RPTOR: variants seen among roughly 807,000 people sequenced by gnomAD.
RPTOR encodes regulatory-associated protein of mTOR.
In RPTOR, 21 loss-of-function variants were observed where a neutral mutation model predicts 169.9. The ratio of observed to expected loss-of-function variants is 0.12; its 90% CI spans 0.09 to 0.18. The LOEUF is 0.18. Ranked by LOEUF, RPTOR falls within the 10% of genes least tolerant of loss-of-function variation. The pLI, the probability that RPTOR is intolerant of heterozygous loss-of-function variation, is 1.00. For synonymous variants in RPTOR, 732 were observed against 753.2 expected (o/e 0.97, Z 0.46); for missense variants, 1,133 against 1,855.9 (o/e 0.61, Z 7.16).
intron 5 of RPTOR, among the ~76,000 whole-genome samples, chr17:80,749,157 A>G (rs1336185551): frequency 1.6e-4 from 1 of 6,424 alleles, no homozygotes; most frequent in African/African-American, 8.5e-4. Flanking sequence ...GGGTGGATGG[A>G]GGGGCTGCGG....
rs2066658719 is a variant in RPTOR at position 80,754,297 on chromosome 17, A to G, written c.830+112A>G. The G allele has an allele frequency of 5.7e-6, 6 of 1,059,668 alleles. No homozygotes were observed. The highest frequency in any genetic ancestry group is 8.1e-6 in the Non-Finnish European group (6 of 736,694). The allele number at this position is 1,059,668 out of a possible 1,614,324, so 65.6% of individuals were successfully genotyped here. A position where few individuals can be genotyped will look rare whatever the true frequency, so the allele number is the denominator to read the frequency against. On this transcript the variant is annotated intron_variant, in intron 6 of 33. Coordinates refer to ENST00000306801, the MANE Select transcript of RPTOR (RefSeq NM_020761.3). The surrounding 1 kb of genome is among the most constrained non-coding windows in gnomAD (Gnocchi z 4.2). ...CTGGTCCCAGGAGCCCACGTGACAGACATGAGTGTCCCCGCCTTCTTTTTG... is the reference window on the plus strand; with the variant it reads ...CTGGTCCCAGGAGCCCACGTGACAGGCATGAGTGTCCCCGCCTTCTTTTTG...
At chr17:80,770,613 T>A (rs1245019449) in intron 6 of RPTOR, among the ~76,000 whole-genome samples, 2 of 152,132 alleles carry the variant, frequency 1.3e-5, no homozygotes, top group Non-Finnish European at 2.9e-5. Flanking sequence ...AACGATATCA[T>A]CAGTTGTGAA....
chr17:80,906,374 C>A (rs891174092), intron 20 of RPTOR, among the ~76,000 whole-genome samples: 1 of 152,204 alleles, frequency 6.6e-6, no homozygotes, highest in East Asian at 1.9e-4. Flanking sequence ...ACACGGCTAT[C>A]GCAGAGCTGT....
chr17:80,907,637 GC>G (rs1043652955), intron 20 of RPTOR, among the ~76,000 whole-genome samples: 3 of 151,920 alleles, frequency 2.0e-5, no homozygotes, highest in African/African-American at 4.8e-5. Flanking sequence ...GCCCGTGCCT[GC>G]CCCCCCTTCT....
chr17:80,557,423 A>C lies in RPTOR; in HGVS notation c.162+11632A>C, dbSNP rs538992762. Reference sequence around the variant, plus strand: ...TCCCAGCTACTTGGGAGGCTGAGGTATGAGAATCGCTTGAACCCGGGAGGT... The same window carrying C: ...TCCCAGCTACTTGGGAGGCTGAGGTCTGAGAATCGCTTGAACCCGGGAGGT... On this transcript the variant is annotated intron_variant, in intron 1 of 33. Transcript: ENST00000306801. Among the ~76,000 whole-genome samples, 18 of 151,610 alleles carry C rather than the reference A, an allele frequency of 1.2e-4. 1 individual carries two copies. In the South Asian group the frequency reaches 3.4e-3, roughly 28 times the overall value.
Position 80,629,859 on chromosome 17 carries a change from C to T in RPTOR, c.265+4066C>T, listed in dbSNP as rs189966286. On this transcript the variant is annotated intron_variant, in intron 2 of 33. Transcript: ENST00000306801. ...GTTGGACATTGTACCACAGCTCTTC[C>T]GTGTGTCTGTCTCTTCTGGGACTCA... Among the ~76,000 whole-genome samples, 9 of 150,170 alleles carry T rather than the reference C, an allele frequency of 6.0e-5. No homozygotes were observed. In the East Asian group the frequency reaches 1.0e-3, roughly 17 times the overall value.
chr17:80,842,385 A>C (rs1003687036), intron 10 of RPTOR, among the ~76,000 whole-genome samples: 2 of 152,034 alleles, frequency 1.3e-5, no homozygotes, highest in African/African-American at 4.8e-5. Flanking sequence ...CCTGAGGCCA[A>C]GGCCTCCCCT....
intron 24 of RPTOR, among the ~76,000 whole-genome samples, chr17:80,933,190 A>G (rs2068918600): frequency 6.6e-6 from 1 of 152,242 alleles, no homozygotes; most frequent in Admixed American, 6.5e-5. Flanking sequence ...GAATAAAGCC[A>G]TCTCTGTTCA....
intron 7 of RPTOR, among the ~76,000 whole-genome samples, chr17:80,792,515 A>C (rs1300644955): frequency 6.6e-6 from 1 of 152,136 alleles, no homozygotes; most frequent in Non-Finnish European, 1.5e-5. Context: ...ACTGGTCCTG[A>C]TGTGGAGTGG....
At chr17:80,715,404 C>T (rs1040178767) in intron 4 of RPTOR, among the ~76,000 whole-genome samples, 4 of 151,970 alleles carry the variant, frequency 2.6e-5, no homozygotes, top group African/African-American at 9.7e-5. Flanking sequence ...TCTGAATAGC[C>T]CTATATCAAT....
chr17:80,838,229 C>G (rs1192211638), intron 10 of RPTOR, among the ~76,000 whole-genome samples: 1 of 152,220 alleles, frequency 6.6e-6, no homozygotes, highest in Non-Finnish European at 1.5e-5. Context: ...CAAAATTTTG[C>G]TATTACAGAT....
intron 13 of RPTOR, among the ~76,000 whole-genome samples, chr17:80,866,165 ATAAG>A (rs2067988072): frequency 6.7e-6 from 1 of 149,102 alleles, no homozygotes; most frequent in South Asian, 2.1e-4. Flanking sequence ...ATTTATTACT[ATAAG>A]TATGTATATA....
intron 6 of RPTOR, among the ~76,000 whole-genome samples, chr17:80,788,619 T>G (rs982028573): frequency 1.3e-5 from 2 of 152,242 alleles, no homozygotes; most frequent in Admixed American, 1.3e-4. Context: ...GGAAGCTTTG[T>G]ATGTATTTTC....
At chr17:80,833,007 T>G (rs1161630323) in intron 9 of RPTOR, among the ~76,000 whole-genome samples, 1 of 152,178 alleles carries the variant, frequency 6.6e-6, no homozygotes, top group African/African-American at 2.4e-5. Flanking sequence ...GTTTAATGTT[T>G]GATGCAAAGT....
chr17:80,711,266 G>C (rs138553377), intron 4 of RPTOR, among the ~76,000 whole-genome samples: 8 of 152,264 alleles, frequency 5.3e-5, no homozygotes, highest in Admixed American at 5.2e-4. Context: ...CCTTTTATCA[G>C]TCTTTTCAAA....
chr17:80,853,580 T>A (rs2067818522), intron 11 of RPTOR, among the ~76,000 whole-genome samples: 1 of 152,202 alleles, frequency 6.6e-6, no homozygotes, highest in South Asian at 2.1e-4. Context: ...CTTGGATGAC[T>A]GGGGCATCGT....
intron 7 of RPTOR, among the ~76,000 whole-genome samples, chr17:80,799,195 G>A (rs1298817489): frequency 6.6e-6 from 1 of 152,200 alleles, no homozygotes; most frequent in South Asian, 2.1e-4. Flanking sequence ...TTTAAGACCA[G>A]GCAGAAACAG....
At chr17:80,867,749 A>G (rs1324228070) in intron 13 of RPTOR, among the ~76,000 whole-genome samples, 1 of 152,250 alleles carries the variant, frequency 6.6e-6, no homozygotes, top group Non-Finnish European at 1.5e-5. Flanking sequence ...TGAAATTAAA[A>G]TAGAGAACAT....
At chr17:80,797,389 C>T (rs762214284) in intron 7 of RPTOR, among the ~76,000 whole-genome samples, 65 of 152,380 alleles carry the variant, frequency 4.3e-4, no homozygotes, top group Non-Finnish European at 8.5e-4. Context: ...CTCAGATGAT[C>T]TGCCTGCCTC....
Sources: allele counts gnomAD v4.1 joint callset (sites outside exome capture counted in the v4.1 genomes callset), GRCh38; gene constraint gnomAD v4.1.1; non-coding constraint Gnocchi (gnomAD v3.1); transcripts MANE v1.5; gene names NCBI Gene and HGNC (gene_info 2026-07-23, HGNC 2026-07-21).